Variants in HS3ST4 observed in about 807,000 individuals in gnomAD.
HS3ST4 encodes the protein heparan sulfate glucosamine 3-O-sulfotransferase 4.
A neutral mutation model predicts 29.2 loss-of-function variants in HS3ST4; 17 were observed. That is an observed-to-expected ratio of 0.58 (90% CI 0.40 to 0.87). The LOEUF is 0.87. HS3ST4 is among the 40% of genes least tolerant of loss of function. The probability of loss-of-function intolerance (pLI) is 0.00; values close to 1 mark genes in which losing one functional copy is unlikely to be tolerated. For synonymous variants in HS3ST4, 314 were observed against 285.7 expected (o/e 1.10, Z -1.00); for missense variants, 627 against 634.5 (o/e 0.99, Z 0.13).
At chr16:26,127,341 G>A (rs1035708364) in intron 1 of HS3ST4, among the ~76,000 whole-genome samples, 24 of 152,162 alleles carry the variant, frequency 1.6e-4, no homozygotes, top group Non-Finnish European at 2.2e-4. Context: ...AGTCAGTCAC[G>A]ATGGCTCACG....
chr16:26,081,261 T>G (rs1465020530), intron 1 of HS3ST4, among the ~76,000 whole-genome samples: 1 of 144,338 alleles, frequency 6.9e-6, no homozygotes, highest in African/African-American at 2.6e-5. Flanking sequence ...CACTCCGGCC[T>G]GGGCAATGGG....
At chr16:26,073,401 G>A (rs1280337590) in intron 1 of HS3ST4, among the ~76,000 whole-genome samples, 2 of 151,954 alleles carry the variant, frequency 1.3e-5, no homozygotes, top group Non-Finnish European at 2.9e-5. Flanking sequence ...CTGTGACAGG[G>A]TCTCACTCTG....
At chr16:26,079,103 T>G (rs1898697813) in intron 1 of HS3ST4, among the ~76,000 whole-genome samples, 1 of 152,196 alleles carries the variant, frequency 6.6e-6, no homozygotes, top group Non-Finnish European at 1.5e-5. Context: ...TGACCAGTAC[T>G]GTGGGTGCCA....
chr16:26,049,203 C>G (rs1898305954), intron 1 of HS3ST4, among the ~76,000 whole-genome samples: 1 of 151,788 alleles, frequency 6.6e-6, no homozygotes, highest in Non-Finnish European at 1.5e-5. Flanking sequence ...TTGAACAAAG[C>G]ACAATAAGTC....
intron 1 of HS3ST4, among the ~76,000 whole-genome samples, chr16:26,014,144 A>C (rs1969340949): frequency 6.6e-6 from 1 of 152,144 alleles, no homozygotes; most frequent in Non-Finnish European, 1.5e-5. Context: ...CTCATCTGAA[A>C]TAATATGAAA....
intron 1 of HS3ST4, among the ~76,000 whole-genome samples, chr16:25,942,145 G>A (rs1968578310): frequency 1.3e-5 from 2 of 152,160 alleles, no homozygotes; most frequent in African/African-American, 4.8e-5. Context: ...AGATAGTGGG[G>A]CCTGTACCAA....
chr16:25,745,789 A>G (rs1307257371), intron 1 of HS3ST4, among the ~76,000 whole-genome samples: 1 of 152,226 alleles, frequency 6.6e-6, no homozygotes, highest in Non-Finnish European at 1.5e-5. Flanking sequence ...CATATCATTA[A>G]AATTGGAAAT....
chr16:26,075,278 C>A lies in HS3ST4; in HGVS notation c.735-60334C>A, dbSNP rs771334470. On this transcript the variant is annotated intron_variant, in intron 1 of 1. Coordinates refer to ENST00000331351, the MANE Select transcript of HS3ST4 (RefSeq NM_006040.3). ...TCCTGAGTCTCTCCTGCAATATGGG[C>A]TAGCCAACCTCCTGGGTGGTTGCAA... Among the ~76,000 whole-genome samples, 3 of 152,138 alleles carry A rather than the reference C, an allele frequency of 2.0e-5. No individual in the cohort carries two copies. In the East Asian group the frequency reaches 5.8e-4, roughly 29 times the overall value.
Position 26,113,336 on chromosome 16 carries a change from C to T in HS3ST4, c.735-22276C>T, listed in dbSNP as rs992566669. ...CGGCGGGCACCTGTAATCCCAGCTACTTGGGAGGCTGAGGCAAGAGAATCG... is the reference window on the plus strand; with the variant it reads ...CGGCGGGCACCTGTAATCCCAGCTATTTGGGAGGCTGAGGCAAGAGAATCG... On this transcript the variant is annotated intron_variant, in intron 1 of 1. Transcript: ENST00000331351. Among the ~76,000 whole-genome samples the T allele has an allele frequency of 2.0e-5, 3 of 151,604 alleles. No homozygotes were observed. The South Asian group carries it at 6.3e-4, about 32-fold the overall frequency.
rs148545328 is a variant in HS3ST4 at position 25,778,519 on chromosome 16, T to C, written c.734+85368T>C. On this transcript the variant is annotated intron_variant, in intron 1 of 1. Transcript: ENST00000331351. Reference sequence around the variant, plus strand: ...TGATGTCAGCTTGGCAGGGCAATGGTGCACATTTGTTTGGTCCAACACCAG... The same window carrying C: ...TGATGTCAGCTTGGCAGGGCAATGGCGCACATTTGTTTGGTCCAACACCAG... Among the ~76,000 whole-genome samples, 139 of 152,342 alleles carry C rather than the reference T, an allele frequency of 9.1e-4. 1 individual carries two copies. The highest frequency in any genetic ancestry group is 1.3e-3 in the Non-Finnish European group (89 of 68,030).
At chr16:25,890,461 A>G (rs1157135475) in intron 1 of HS3ST4, among the ~76,000 whole-genome samples, 1 of 152,202 alleles carries the variant, frequency 6.6e-6, no homozygotes, top group Non-Finnish European at 1.5e-5. Context: ...AGCCACACCT[A>G]CTACATTAGC....
At chr16:25,888,402 C>T (rs1403765807) in intron 1 of HS3ST4, among the ~76,000 whole-genome samples, 1 of 152,218 alleles carries the variant, frequency 6.6e-6, no homozygotes. Flanking sequence ...ATTTTATTCA[C>T]TTCTTCTTGT....
At chr16:25,947,551 T>C (rs1293968195) in intron 1 of HS3ST4, among the ~76,000 whole-genome samples, 1 of 152,102 alleles carries the variant, frequency 6.6e-6, no homozygotes, top group Non-Finnish European at 1.5e-5. Flanking sequence ...ATGCTTTATT[T>C]TTTTTTAATG....
chr16:25,815,392 C>T (rs564436437), intron 1 of HS3ST4, among the ~76,000 whole-genome samples: 4 of 152,308 alleles, frequency 2.6e-5, no homozygotes, highest in African/African-American at 4.8e-5. Flanking sequence ...GGCTCCATCT[C>T]GGCTCACTGC....
intron 1 of HS3ST4, among the ~76,000 whole-genome samples, chr16:26,114,435 G>A (rs936031154): frequency 8.5e-5 from 13 of 152,146 alleles, no homozygotes; most frequent in South Asian, 4.1e-4. Context: ...GCAAAGACAC[G>A]TTATAGCATC....
intron 1 of HS3ST4, among the ~76,000 whole-genome samples, chr16:26,005,232 T>G (rs1376551872): frequency 6.6e-6 from 1 of 152,198 alleles, no homozygotes; most frequent in Admixed American, 6.5e-5. Context: ...AATGGAAAAG[T>G]GTAAAAGTGA....
intron 1 of HS3ST4, among the ~76,000 whole-genome samples, chr16:26,074,729 A>G (rs4787812): frequency 0.079 from 12,045 of 152,186 alleles, 678 homozygotes; most frequent in Admixed American, 0.18. Flanking sequence ...ACACAATGCA[A>G]TGTATTACCT....
chr16:25,813,554 G>T (rs1044908613), intron 1 of HS3ST4, among the ~76,000 whole-genome samples: 2 of 152,154 alleles, frequency 1.3e-5, no homozygotes, highest in Non-Finnish European at 2.9e-5. Flanking sequence ...CCGAGATCAC[G>T]CCATTGCAAT....
At chr16:25,709,908 C>A (rs1318622336) in intron 1 of HS3ST4, among the ~76,000 whole-genome samples, 1 of 152,146 alleles carries the variant, frequency 6.6e-6, no homozygotes, top group Non-Finnish European at 1.5e-5. Context: ...GTGTATCTTA[C>A]AAGAGAATTC....
Sources: gnomAD v4.1 joint callset for allele counts (sites outside exome capture counted in the v4.1 genomes callset) on GRCh38, gnomAD v4.1.1 for gene constraint, MANE v1.5 for transcripts, NCBI Gene and HGNC (gene_info 2026-07-23, HGNC 2026-07-21) for gene names.